CREBBP: variants seen among roughly 807,000 people sequenced by gnomAD.
CREBBP encodes CREB-binding protein.
In CREBBP, 19 loss-of-function variants were observed where a neutral mutation model predicts 265.0. That is an observed-to-expected ratio of 0.07 (90% CI 0.05 to 0.11). The LOEUF is 0.11. Ranked by LOEUF, CREBBP falls within the 10% of genes least tolerant of loss-of-function variation. The probability of loss-of-function intolerance (pLI) is 1.00; values close to 1 mark genes in which losing one functional copy is unlikely to be tolerated. For synonymous variants in CREBBP, 1,457 were observed against 1,223.7 expected (o/e 1.19, Z -3.98); for missense variants, 2,525 against 3,219.0 (o/e 0.78, Z 5.22).
At chr16:3,849,377 C>CTG (rs2054736065) in intron 2 of CREBBP, among the ~76,000 whole-genome samples, 1 of 104,098 alleles carries the variant, frequency 9.6e-6, no homozygotes, top group African/African-American at 4.4e-5. Context: ...GAGCTCTTGG[C>CTG]CGTGTGTGTG....
intron 2 of CREBBP, among the ~76,000 whole-genome samples, chr16:3,811,634 G>C (rs2053939909): frequency 6.6e-6 from 1 of 152,098 alleles, no homozygotes; most frequent in Non-Finnish European, 1.5e-5. Flanking sequence ...TGGTACTACA[G>C]GCACGTGCCA....
intron 1 of CREBBP, among the ~76,000 whole-genome samples, chr16:3,853,688 GC>G (rs2054901583): frequency 6.6e-6 from 1 of 152,046 alleles, no homozygotes. Context: ...TGTAATCCCA[GC>G]ACTTTGGGAG....
In CREBBP at chr16:3,795,732, T is replaced by C. The variant is rs138222829; in HGVS notation, c.976-2106A>G. On this transcript the variant is annotated intron_variant, in intron 3 of 30. Transcript: ENST00000262367. ...TGCTCAACTGGCTTATCCCTGTGGA[T>C]TGGAAGGTCCATCGAGAAATCAACA... Among the ~76,000 whole-genome samples, 582 of 152,268 alleles carry C rather than the reference T, an allele frequency of 3.8e-3. 3 individuals carry two copies. The highest frequency in any genetic ancestry group is 0.013 in the African/African-American group (520 of 41,532).
At chr16:3,809,282 A>G (rs1354486236) in intron 3 of CREBBP, among the ~76,000 whole-genome samples, 1 of 151,770 alleles carries the variant, frequency 6.6e-6, no homozygotes, top group African/African-American at 2.4e-5. Context: ...GGTTCAAGCG[A>G]TTCTCTTGCC....
At chr16:3,767,945 A>G in intron 15 of CREBBP, 36 bp from the exon 16 acceptor site, 2 of 1,601,136 alleles carry the variant, frequency 1.2e-6, no homozygotes, top group Non-Finnish European at 1.7e-6. Flanking sequence ...TATGAATATC[A>G]AACACCTTTA....
intron 26 of CREBBP, among the ~76,000 whole-genome samples, 161 bp downstream of exon 26, chr16:3,738,398 C>T (rs1042497355): frequency 6.1e-5 from 9 of 148,660 alleles, no homozygotes; most frequent in South Asian, 2.1e-4. Flanking sequence ...CTGTGAGGCT[C>T]GGGGAGCACC....
At chr16:3,766,682 C>T (rs772574875) in intron 16 of CREBBP, among the ~76,000 whole-genome samples, 1 of 152,138 alleles carries the variant, frequency 6.6e-6, no homozygotes, top group South Asian at 2.1e-4. Flanking sequence ...TGCACCACCA[C>T]ACTTAGCTAG....
chr16:3,863,970 G>T (rs912378078), intron 1 of CREBBP, among the ~76,000 whole-genome samples: 2 of 152,200 alleles, frequency 1.3e-5, no homozygotes, highest in Admixed American at 1.3e-4. Context: ...CCAGACCCCG[G>T]AGAGGTGCTA....
chr16:3,795,272 T>A (rs1057310832), intron 3 of CREBBP, among the ~76,000 whole-genome samples: 11 of 152,190 alleles, frequency 7.2e-5, no homozygotes, highest in African/African-American at 2.7e-4. Flanking sequence ...AAAGTATATA[T>A]ATACACTGCA....
intron 5 of CREBBP, among the ~76,000 whole-genome samples, chr16:3,784,697 C>T (rs2053347580): frequency 6.6e-6 from 1 of 152,176 alleles, no homozygotes; most frequent in South Asian, 2.1e-4. Flanking sequence ...CCTTCCATTT[C>T]CCGTAAACCC....
At chr16:3,804,887 T>G (rs2053797664) in intron 3 of CREBBP, among the ~76,000 whole-genome samples, 1 of 152,248 alleles carries the variant, frequency 6.6e-6, no homozygotes, top group East Asian at 1.9e-4. Flanking sequence ...AATCAGACTC[T>G]AGAAAAGATA....
chr16:3,832,341 ATTG>A (rs1885130478), intron 2 of CREBBP, among the ~76,000 whole-genome samples: 2 of 152,216 alleles, frequency 1.3e-5, no homozygotes, highest in Admixed American at 1.3e-4. Flanking sequence ...CCAGTATATT[ATTG>A]TTATCAAAAA....
rs139420120 is a variant in CREBBP, at chr16:3,842,646, A to G, written c.798+7651T>C. Among the ~76,000 whole-genome samples the G allele has an allele frequency of 5.8e-3, 887 of 152,274 alleles. 7 individuals carry two copies. Among genetic ancestry groups the G allele is most frequent in the African/African-American group, 0.019 (800 of 41,550 alleles). On this transcript the variant is annotated intron_variant, in intron 2 of 30. Transcript: ENST00000262367. ...ACAAGGGTCATGTTTTTCCTACTGTAAATATTTTCAGAGTCACATAAAATT... is the reference window on the plus strand; with the variant it reads ...ACAAGGGTCATGTTTTTCCTACTGTGAATATTTTCAGAGTCACATAAAATT...
intron 26 of CREBBP, among the ~76,000 whole-genome samples, chr16:3,738,150 A>C (rs2052115548): frequency 6.6e-6 from 1 of 151,988 alleles, no homozygotes; most frequent in Non-Finnish European, 1.5e-5. Context: ...TGAACTCCTG[A>C]CTTCAGGTGA....
chr16:3,815,234 T>TA (rs1327656552), intron 2 of CREBBP, among the ~76,000 whole-genome samples: 3 of 152,104 alleles, frequency 2.0e-5, no homozygotes, highest in African/African-American at 7.2e-5. Context: ...TCTTTAAACG[T>TA]CCCAACAGGT....
At chr16:3,856,346 T>A (rs2054963667) in intron 1 of CREBBP, among the ~76,000 whole-genome samples, 1 of 152,204 alleles carries the variant, frequency 6.6e-6, no homozygotes, top group Non-Finnish European at 1.5e-5. Context: ...TGACAGGGTC[T>A]TGCTCCGGCA....
chr16:3,789,556 C>T (rs370518178), intron 5 of CREBBP, among the ~76,000 whole-genome samples: 2 of 152,188 alleles, frequency 1.3e-5, no homozygotes, highest in East Asian at 3.8e-4. Flanking sequence ...AAAACCCAAC[C>T]TTAAGCCAAC....
chr16:3,756,813 A>T (rs1473665044), intron 19 of CREBBP, among the ~76,000 whole-genome samples: 1 of 152,192 alleles, frequency 6.6e-6, no homozygotes, highest in Non-Finnish European at 1.5e-5. Flanking sequence ...TGAAAAAGGC[A>T]TGTCAACCTT....
At chr16:3,821,190 T>C (rs539199636) in intron 2 of CREBBP, among the ~76,000 whole-genome samples, 1 of 152,382 alleles carries the variant, frequency 6.6e-6, no homozygotes, top group Admixed American at 6.5e-5. Flanking sequence ...TTCTTTCTGA[T>C]TCTAAAAATC....
Sources: allele counts gnomAD v4.1 joint callset (sites outside exome capture counted in the v4.1 genomes callset), GRCh38; gene constraint gnomAD v4.1.1; transcripts MANE v1.5; gene names NCBI Gene and HGNC (gene_info 2026-07-23, HGNC 2026-07-21).